Variants in CSMD1 observed in about 807,000 individuals in gnomAD.
CSMD1 encodes the protein CUB and Sushi multiple domains 1, also known as CUB and sushi domain-containing protein 1.
In CSMD1, 213 loss-of-function variants were observed where a neutral mutation model predicts 417.5. The observed-to-expected ratio is 0.51, with a 90% CI of 0.46 to 0.57. The LOEUF is 0.57. CSMD1 is among the 20% of genes least tolerant of loss of function. The pLI, the probability that CSMD1 is intolerant of heterozygous loss-of-function variation, is 0.00. For synonymous variants in CSMD1, 2,862 were observed against 1,736.8 expected (o/e 1.65, Z -16.11); for missense variants, 6,923 against 4,529.7 (o/e 1.53, Z -15.17).
intron 3 of CSMD1, among the ~76,000 whole-genome samples, chr8:4,413,950 G>C (rs531044065): frequency 6.6e-6 from 1 of 152,148 alleles, no homozygotes; most frequent in East Asian, 1.9e-4. Context: ...TTTGTTTCAA[G>C]CTCTATAATT....
At chr8:4,723,067 G>C (rs992154576) in intron 1 of CSMD1, among the ~76,000 whole-genome samples, 1 of 152,104 alleles carries the variant, frequency 6.6e-6, no homozygotes, top group Non-Finnish European at 1.5e-5. Context: ...CCTTTCAAAA[G>C]TGAATAGAGG....
At chr8:4,127,665 A>C (rs1802847105) in intron 3 of CSMD1, among the ~76,000 whole-genome samples, 1 of 152,078 alleles carries the variant, frequency 6.6e-6, no homozygotes, top group Non-Finnish European at 1.5e-5. Flanking sequence ...TACTTAGACT[A>C]CTTATAAGGA....
chr8:3,387,802 A>G, intron 17 of CSMD1, 120 bp from the exon 18 acceptor site: 3 of 793,058 alleles, frequency 3.8e-6, no homozygotes, highest in Non-Finnish European at 5.9e-6. Context: ...ACATTATGCA[A>G]GTGAACCCAA....
At chr8:3,952,128 G>C (rs918449133) in intron 5 of CSMD1, among the ~76,000 whole-genome samples, 3 of 152,106 alleles carry the variant, frequency 2.0e-5, no homozygotes, top group African/African-American at 7.2e-5. Flanking sequence ...TATTTAAGTA[G>C]TGGTTCACAA....
At chr8:4,037,311 A>G (rs1278332545) in intron 3 of CSMD1, among the ~76,000 whole-genome samples, 1 of 152,200 alleles carries the variant, frequency 6.6e-6, no homozygotes, top group Non-Finnish European at 1.5e-5. Context: ...TGTTTTGCTT[A>G]GAGCCACATT....
rs147771380 is a variant in CSMD1 at position 3,217,136 on chromosome 8, C to A, written c.4672+2119G>T. On this transcript the variant is annotated intron_variant, in intron 29 of 69. Transcript: ENST00000635120. ...GATGCAATGGCATCACTGCTCCAGG[C>A]TGGAAGAAATGGCATCATTTTTCCA... is the stretch of plus-strand genomic sequence containing the variant. Among the ~76,000 whole-genome samples, 444 of 152,340 alleles carry A rather than the reference C, an allele frequency of 2.9e-3. 6 individuals carry two copies. Among genetic ancestry groups the A allele is most frequent in the African/African-American group, 0.01 (427 of 41,582 alleles).
chr8:4,248,774 G>A (rs10429352), intron 3 of CSMD1, among the ~76,000 whole-genome samples: 3 of 152,002 alleles, frequency 2.0e-5, no homozygotes, highest in Non-Finnish European at 1.5e-5. Flanking sequence ...ATGGTTTACT[G>A]TCAGTTTTCC....
intron 8 of CSMD1, among the ~76,000 whole-genome samples, chr8:3,607,377 G>GT (rs1033463593): frequency 4.6e-5 from 7 of 152,278 alleles, no homozygotes; most frequent in African/African-American, 9.6e-5. Flanking sequence ...TAACTTTTGT[G>GT]TTTTTTATAA....
intron 2 of CSMD1, among the ~76,000 whole-genome samples, chr8:4,490,909 T>A (rs6990944): frequency 2.6e-4 from 40 of 152,212 alleles, no homozygotes; most frequent in Non-Finnish European, 5.1e-4. Context: ...TCTAGGACTA[T>A]AACTTATCAC....
In CSMD1 at chr8:3,485,636, G is replaced by C. The variant is rs370983303; in HGVS notation, c.1448+7987C>G. Reference sequence around the variant, plus strand: ...TGAGCTGGGTGTGGTGGCGCATGCTGGTTATCCCAGCTACTCCTGAGACTG... The same window carrying C: ...TGAGCTGGGTGTGGTGGCGCATGCTCGTTATCCCAGCTACTCCTGAGACTG... On this transcript the variant is annotated intron_variant, in intron 11 of 69. Coordinates refer to ENST00000635120, the MANE Select transcript of CSMD1 (RefSeq NM_033225.6). Among the ~76,000 whole-genome samples the C allele has an allele frequency of 7.9e-5, 12 of 151,574 alleles. 1 individual carries two copies. The highest frequency in any genetic ancestry group is 7.2e-4 in the Admixed American group (11 of 15,192).
chr8:3,523,376 T>A (rs531014354), intron 10 of CSMD1, among the ~76,000 whole-genome samples: 4 of 152,300 alleles, frequency 2.6e-5, no homozygotes, highest in Admixed American at 6.5e-5. Flanking sequence ...AGATGGAACT[T>A]TGAGGGACAA....
chr8:4,130,591 A>C (rs1172833503), intron 3 of CSMD1, among the ~76,000 whole-genome samples: 2 of 152,122 alleles, frequency 1.3e-5, no homozygotes, highest in African/African-American at 4.8e-5. Context: ...TCTAACTTGC[A>C]AAATTGTATT....
intron 1 of CSMD1, among the ~76,000 whole-genome samples, chr8:4,817,844 G>A (rs570709067): frequency 2.6e-5 from 4 of 152,146 alleles, no homozygotes; most frequent in East Asian, 1.9e-4. Flanking sequence ...ATCATTTGGT[G>A]AAAATTGAAA....
At chr8:3,704,749 G>C (rs1801070616) in intron 7 of CSMD1, 1 of 152,170 alleles carries the variant, frequency 6.6e-6, no homozygotes. Flanking sequence ...ACCTTGATCT[G>C]TTTAATTATC....
chr8:4,080,649 C>T (rs758150895), intron 3 of CSMD1, among the ~76,000 whole-genome samples: 2 of 152,018 alleles, frequency 1.3e-5, no homozygotes, highest in Non-Finnish European at 2.9e-5. Flanking sequence ...TTTATTAGCA[C>T]GACAAGACAA....
chr8:4,402,800 C>G (rs991317008), intron 3 of CSMD1, among the ~76,000 whole-genome samples: 1 of 89,370 alleles, frequency 1.1e-5, no homozygotes, highest in Non-Finnish European at 2.0e-5. Flanking sequence ...TCACTTTTTT[C>G]TTTTTTTTTT....
chr8:3,560,395 AGT>A (rs1317396727), intron 10 of CSMD1, among the ~76,000 whole-genome samples: 2 of 152,170 alleles, frequency 1.3e-5, no homozygotes, highest in African/African-American at 4.8e-5. Context: ...CAAGAATTTC[AGT>A]GTCTTTTCTA....
At chr8:3,332,475 G>A (rs1806968576) in intron 23 of CSMD1, among the ~76,000 whole-genome samples, 1 of 152,218 alleles carries the variant, frequency 6.6e-6, no homozygotes, top group Admixed American at 6.5e-5. Context: ...GATGCTTAGG[G>A]AAGATCGAGG....
At chr8:4,701,732 C>G (rs749381374) in intron 1 of CSMD1, among the ~76,000 whole-genome samples, 3 of 151,198 alleles carry the variant, frequency 2.0e-5, no homozygotes, top group Non-Finnish European at 2.9e-5. Context: ...TCCTCTTTTT[C>G]TAAACACTTT....
Sources: allele counts gnomAD v4.1 joint callset (sites outside exome capture counted in the v4.1 genomes callset), GRCh38; gene constraint gnomAD v4.1.1; transcripts MANE v1.5; gene names NCBI Gene and HGNC (gene_info 2026-07-23, HGNC 2026-07-21).